KIDINS220: variants seen among roughly 807,000 people sequenced by gnomAD.
KIDINS220 encodes kinase D-interacting substrate of 220 kDa.
KIDINS220 carries 63 observed loss-of-function variants against 157.6 expected under a neutral mutation model. The observed-to-expected ratio is 0.40, with a 90% CI of 0.33 to 0.49. The LOEUF (loss-of-function observed/expected upper bound fraction) is 0.49. KIDINS220 is among the 20% of genes least tolerant of loss of function. The pLI, the probability that KIDINS220 is intolerant of heterozygous loss-of-function variation, is 0.66. For missense variants in KIDINS220, 1,772 were observed against 2,171.2 expected, an observed-to-expected ratio of 0.82 and a Z score of 3.65; for synonymous variants, 732 against 783.6, an observed-to-expected ratio of 0.93 and a Z score of 1.10.
intron 2 of KIDINS220, among the ~76,000 whole-genome samples, chr2:8,819,596 G>T (rs1677607181): frequency 6.6e-6 from 1 of 152,164 alleles, no homozygotes; most frequent in South Asian, 2.1e-4. Context: ...GGCCAAGGTG[G>T]ACGGATCACA....
rs761044466 is a variant in KIDINS220, at chr2:8,785,881, C to T, written c.2089G>A (p.Ala697Thr). 177 of 1,613,932 alleles carry T rather than the reference C, an allele frequency of 1.1e-4. No individual in the cohort carries two copies. The highest frequency in any genetic ancestry group is 1.6e-4 in the Middle Eastern group (1 of 6,084). Residue 697 changes from alanine (A) to threonine (T), a missense_variant, in exon 17 of 30, where the codon GCA becomes ACA. Around this residue, in one of 3 missense-constraint regions of KIDINS220, gnomAD observed 725 missense variants for 1,017.1 expected, o/e 0.71. Coordinates refer to ENST00000256707, the MANE Select transcript of KIDINS220 (RefSeq NM_020738.4). ...ACAAAGGCCAATCCCACTACAGATGCGATTGATATGAGGACAGCATTTACA... is the reference window on the plus strand; with the variant it reads ...ACAAAGGCCAATCCCACTACAGATGTGATTGATATGAGGACAGCATTTACA... ...LTVNAVLISIASVVGLAFVLN... is the reference protein window; with the variant it reads ...LTVNAVLISITSVVGLAFVLN...
chr2:8,751,122 G>A (rs1487852843), intron 23 of KIDINS220, among the ~76,000 whole-genome samples: 3 of 119,436 alleles, frequency 2.5e-5, no homozygotes, highest in African/African-American at 9.6e-5. Flanking sequence ...ACAATGAATG[G>A]ATATCATGAA....
chr2:8,790,010 G>A lies in KIDINS220; in HGVS notation c.1491C>T (p.Phe497=). 3 of 1,609,954 alleles carry A rather than the reference G, an allele frequency of 1.9e-6. No individual in the cohort carries two copies. The South Asian group carries it at 3.3e-5, about 18-fold the overall frequency. The change falls in exon 14 of 30, where the codon TTC becomes TTT. Residue 497 remains phenylalanine, a synonymous_variant. Transcript: ENST00000256707. The part of the protein sequence containing the change: ...AGQQIEPLFQ[F]SWLIVFLTLL... ...GGGTAAGAAACACTATGAGCCATGA[G>A]AACTGAAAGAGAGGCTCAATCTGTT...
intron 17 of KIDINS220, among the ~76,000 whole-genome samples, chr2:8,780,051 T>C (rs561039884): frequency 6.6e-6 from 1 of 152,186 alleles, no homozygotes; most frequent in Non-Finnish European, 1.5e-5. Flanking sequence ...CACTACCATA[T>C]CTGTTCTAAA....
intron 26 of KIDINS220, among the ~76,000 whole-genome samples, chr2:8,740,360 C>G (rs1025660367): frequency 2.6e-5 from 4 of 152,170 alleles, no homozygotes; most frequent in Non-Finnish European, 2.9e-5. Context: ...TGCACACACA[C>G]CCCCAACCAC....
intron 1 of KIDINS220, among the ~76,000 whole-genome samples, chr2:8,831,097 C>T (rs1248196996): frequency 6.6e-6 from 1 of 152,188 alleles, no homozygotes; most frequent in African/African-American, 2.4e-5. Flanking sequence ...CAGATGACAG[C>T]TTTACTACTT....
At chr2:8,802,530 G>A (rs564770064) in intron 8 of KIDINS220, among the ~76,000 whole-genome samples, 78 of 152,328 alleles carry the variant, frequency 5.1e-4, no homozygotes, top group Admixed American at 1.7e-3. Flanking sequence ...GAGAATGAGG[G>A]AAAGCAGGTT....
chr2:8,832,047 A>G (rs1679713667), intron 1 of KIDINS220, among the ~76,000 whole-genome samples: 3 of 152,190 alleles, frequency 2.0e-5, no homozygotes, highest in South Asian at 2.1e-4. Context: ...TAAATATCCA[A>G]TTGCAGAATT....
chr2:8,830,818 T>C (rs1679511066), intron 1 of KIDINS220, among the ~76,000 whole-genome samples: 1 of 152,138 alleles, frequency 6.6e-6, no homozygotes, highest in South Asian at 2.1e-4. Flanking sequence ...CTGGATCTGT[T>C]GCACACCCAG....
rs748866882 is a variant in KIDINS220 at position 8,750,096 on chromosome 2, C to A, written c.3414+16G>T. 3.0e-5 allele frequency: 48 copies of A among 1,599,758 alleles called. No individual in the cohort carries two copies. In the Admixed American group the frequency reaches 7.0e-4, roughly 23 times the overall value. ...TAACAAATTCTTAAAAATAAAGCTG[C>A]CTCCAACTTCCTTACCCTGTTGTAG... On this transcript the variant is annotated intron_variant, in intron 24 of 29. Coordinates refer to ENST00000256707, the MANE Select transcript of KIDINS220 (RefSeq NM_020738.4).
chr2:8,736,282 G>C (rs2147971779), intron 27 of KIDINS220, among the ~76,000 whole-genome samples: 1 of 152,186 alleles, frequency 6.6e-6, no homozygotes, highest in Admixed American at 6.5e-5. Context: ...CCAAATCTCA[G>C]GCATCTCTAG....
chr2:8,828,042 C>T (rs539250901), intron 1 of KIDINS220, among the ~76,000 whole-genome samples: 5 of 152,148 alleles, frequency 3.3e-5, no homozygotes, highest in Non-Finnish European at 5.9e-5. Context: ...ATTCAAAGCC[C>T]TCTAAGGGCT....
At chr2:8,809,441 A>C (rs7588273) in intron 6 of KIDINS220, among the ~76,000 whole-genome samples, 147,033 of 151,948 alleles carry the variant, frequency 0.97, 71,183 homozygotes, top group Middle Eastern at 0.99. Flanking sequence ...TGATGCTACA[A>C]TAGCCAAGTT....
chr2:8,835,059 G>A (rs559304562), intron 1 of KIDINS220, among the ~76,000 whole-genome samples: 5 of 152,156 alleles, frequency 3.3e-5, no homozygotes, highest in Admixed American at 2.0e-4. Flanking sequence ...ATATTGCCGA[G>A]GCTGCTCTTG....
chr2:8,738,375 G>C (rs542940971), intron 26 of KIDINS220, among the ~76,000 whole-genome samples: 21 of 152,328 alleles, frequency 1.4e-4, no homozygotes, highest in African/African-American at 5.1e-4. Flanking sequence ...GATATTTGCA[G>C]AGTTTCAAAG....
At chr2:8,733,146 T>C (rs750542799) in intron 29 of KIDINS220, among the ~76,000 whole-genome samples, 15 of 152,178 alleles carry the variant, frequency 9.9e-5, no homozygotes, top group Admixed American at 5.2e-4. Flanking sequence ...AAGGCTGAAT[T>C]TGCTGACCAC....
intron 22 of KIDINS220, among the ~76,000 whole-genome samples, chr2:8,753,852 G>C (rs527572776): frequency 1.3e-5 from 2 of 152,300 alleles, no homozygotes; most frequent in African/African-American, 4.8e-5. Flanking sequence ...ATAGGGTGCT[G>C]GGGAGAAAAT....
In KIDINS220 at chr2:8,750,302, C is replaced by T; in HGVS notation, c.3224G>A (p.Gly1075Glu). 1 of 1,609,206 alleles carries T rather than the reference C, an allele frequency of 6.2e-7. No individual in the cohort carries two copies. Among genetic ancestry groups the T allele is most frequent in the Non-Finnish European group, 8.5e-7 (1 of 1,177,296 alleles). ...VRAAREQISI[G>E]GLAYPPLPLH... ...AGGGAGCGGGGGGTACGCCAGTCCT[C>T]CAATACTGATCTGCTCTCTGGCAGC... The change falls in exon 24 of 30, where the codon GGA becomes GAA. Residue 1075 changes from glycine to glutamate, a missense_variant. By Grantham distance (98) the Gly-to-Glu change is moderately conservative. Transcript: ENST00000256707.
intron 20 of KIDINS220, 99 bp from the exon 21 acceptor site, chr2:8,776,991 T>G: frequency 7.8e-7 from 1 of 1,274,228 alleles, no homozygotes. Flanking sequence ...AAAAAAAAAA[T>G]CCAAAGTTTT....
Sources: allele counts gnomAD v4.1 joint callset (sites outside exome capture counted in the v4.1 genomes callset), GRCh38; gene constraint gnomAD v4.1.1; regional missense constraint gnomAD v4.1.1; transcripts MANE v1.5; gene names NCBI Gene and HGNC (gene_info 2026-07-23, HGNC 2026-07-21).